RELCH: variants seen among roughly 807,000 people sequenced by gnomAD.
RELCH encodes RAB11-binding protein RELCH.
A neutral mutation model predicts 150.3 loss-of-function variants in RELCH; 41 were observed. That is an observed-to-expected ratio of 0.27 (90% CI 0.21 to 0.35). The LOEUF is 0.35. RELCH is among the 10% of genes least tolerant of loss of function. RELCH has a pLI of 1.00. For missense variants in RELCH, 1,092 were observed against 1,467.8 expected (o/e 0.74, Z 4.18); for synonymous variants, 478 against 531.8 (o/e 0.90, Z 1.39).
chr18:62,263,951 A>C, intron 16 of RELCH, 38 bp from the exon 17 acceptor site: 1 of 1,575,736 alleles, frequency 6.3e-7, no homozygotes, highest in Non-Finnish European at 8.6e-7. Flanking sequence ...CCAAAATGCC[A>C]ATTTCCATAT....
chr18:62,188,229 G>C (rs1270697424), intron 1 of RELCH, among the ~76,000 whole-genome samples, 198 bp downstream of exon 1: 1 of 152,186 alleles, frequency 6.6e-6, no homozygotes, highest in Non-Finnish European at 1.5e-5. Flanking sequence ...TCCAACCCTT[G>C]GCTGGTGTTG....
Position 62,187,720 on chromosome 18 carries a change from C to T in RELCH, c.215C>T (p.Pro72Leu), listed in dbSNP as rs1417920275. 8.1e-6 allele frequency: 13 copies of T among 1,607,672 alleles called. No individual in the cohort carries two copies. Among genetic ancestry groups the T allele is most frequent in the Non-Finnish European group, 1.1e-5 (13 of 1,175,706 alleles). Residue 72 changes from proline (P) to leucine (L), a missense_variant, in exon 1 of 29, where the codon CCT (proline) becomes CTT (leucine). By Grantham distance (98) the Pro-to-Leu change is moderately conservative (BLOSUM62 -3). Around this residue, in one of 4 missense-constraint regions of RELCH, gnomAD observed 138 missense variants for 124.8 expected, o/e 1.11. Coordinates refer to ENST00000644646, the MANE Select transcript of RELCH (RefSeq NM_001346231.2). ...GGAAGCAGTGCGCGGCCAGGGCTCC[C>T]TGGGGAGGCGTCGGCGGCTGCAGTG... ...ALGSSARPGL[P>L]GEASAAAVAL...
intron 2 of RELCH, among the ~76,000 whole-genome samples, chr18:62,218,970 C>T (rs1394925999): frequency 1.3e-5 from 2 of 151,888 alleles, no homozygotes; most frequent in Non-Finnish European, 2.9e-5. Context: ...TCTTTTGAAA[C>T]TTTCTCATGT....
intron 1 of RELCH, among the ~76,000 whole-genome samples, chr18:62,191,280 ATC>A (rs758635237): frequency 5.9e-5 from 9 of 152,316 alleles, no homozygotes; most frequent in Middle Eastern, 3.4e-3. Flanking sequence ...GGGCTTTTTA[ATC>A]TGTCATTTTA....
At chr18:62,235,716 G>A (rs1261539758) in intron 10 of RELCH, among the ~76,000 whole-genome samples, 1 of 151,270 alleles carries the variant, frequency 6.6e-6, no homozygotes. Flanking sequence ...TATTGTAAAT[G>A]GAATTGTTCT....
At chr18:62,246,228 A>G (rs972426332) in intron 11 of RELCH, 2 of 152,160 alleles carry the variant, frequency 1.3e-5, no homozygotes, top group African/African-American at 4.8e-5. Flanking sequence ...TCTTTTTAAG[A>G]ATTCTGTTTG....
At chr18:62,279,892 C>T (rs778683613) in intron 23 of RELCH, 36 bp downstream of exon 23, 47 of 1,341,446 alleles carry the variant, frequency 3.5e-5, no homozygotes, top group Non-Finnish European at 4.7e-5. Context: ...TTCGGCATCC[C>T]TTTCAAAATG....
chr18:62,305,441 G>A lies in RELCH; in HGVS notation c.3558G>A (p.Val1186=). 2 of 1,610,260 alleles carry A rather than the reference G, an allele frequency of 1.2e-6. No individual in the cohort carries two copies. The highest frequency in any genetic ancestry group is 1.7e-6 in the Non-Finnish European group (2 of 1,177,986). Reference sequence around the variant, plus strand: ...CAATGTCAATTGCTGCAAGCTTAGTGAGTGAAGATACAAAGACCAAGTTTT... The same window carrying A: ...CAATGTCAATTGCTGCAAGCTTAGTAAGTGAAGATACAAAGACCAAGTTTT... ...QGSMSIAASL[V]SEDTKTKFLN... The change falls in exon 29 of 29, where the codon GTG becomes GTA. Residue 1186 remains valine, a synonymous_variant. Transcript: ENST00000644646. The surrounding 1 kb of genome is among the most constrained non-coding windows in gnomAD (Gnocchi z 4.0).
chr18:62,231,503 A>G (rs988788961), intron 9 of RELCH, among the ~76,000 whole-genome samples: 6 of 152,034 alleles, frequency 3.9e-5, no homozygotes, highest in Non-Finnish European at 7.4e-5. Flanking sequence ...GACATTTTAT[A>G]AACTCTATTT....
At chr18:62,189,864 T>C (rs555868077) in intron 1 of RELCH, among the ~76,000 whole-genome samples, 24 of 152,240 alleles carry the variant, frequency 1.6e-4, no homozygotes, top group Non-Finnish European at 3.2e-4. Flanking sequence ...TGATCAAATA[T>C]CACAATTAAA....
chr18:62,307,368 G>T lies in RELCH; in HGVS notation c.*1834G>T, dbSNP rs890829598. 1 of 152,030 alleles carries T rather than the reference G, an allele frequency of 6.6e-6. No homozygotes were observed. The highest frequency in any genetic ancestry group is 1.5e-5 in the Non-Finnish European group (1 of 67,974). The allele number at this position is 152,030 out of a possible 1,614,324, so 9.4% of individuals were successfully genotyped here. On this transcript the variant is annotated 3_prime_UTR_variant, in exon 29 of 29. Coordinates refer to ENST00000644646, the MANE Select transcript of RELCH (RefSeq NM_001346231.2). ...TTTGCTTCAAACTATAGTAGAATATGTGTATGTTTGTTATCAGGTGAATGG... is the reference window on the plus strand; with the variant it reads ...TTTGCTTCAAACTATAGTAGAATATTTGTATGTTTGTTATCAGGTGAATGG...
intron 1 of RELCH, among the ~76,000 whole-genome samples, chr18:62,194,169 G>A (rs2038855541): frequency 6.6e-6 from 1 of 152,112 alleles, no homozygotes; most frequent in Non-Finnish European, 1.5e-5. Context: ...GATCGCTTGA[G>A]CCCAGGTGGC....
At chr18:62,232,266 C>CT in intron 9 of RELCH, 66 bp from the exon 10 acceptor site, 1 of 1,056,216 alleles carries the variant, frequency 9.5e-7, no homozygotes, top group Admixed American at 1.7e-5. Flanking sequence ...AAAGAATGAA[C>CT]TTTTCCATAT....
chr18:62,237,507 A>G (rs2041936365), intron 10 of RELCH, among the ~76,000 whole-genome samples: 1 of 151,194 alleles, frequency 6.6e-6, no homozygotes, highest in African/African-American at 2.4e-5. Context: ...TCTATGCACT[A>G]CTCTCTACTT....
chr18:62,222,886 G>A lies in RELCH; in HGVS notation c.858+1389G>A, dbSNP rs377762455. ...AGTAACAAAGTTATTTCCAAATAACGCATGAGTTAAAAAAGAAAAGGGAAA... is the reference window on the plus strand; with the variant it reads ...AGTAACAAAGTTATTTCCAAATAACACATGAGTTAAAAAAGAAAAGGGAAA... On this transcript the variant is annotated intron_variant, in intron 5 of 28. Coordinates refer to ENST00000644646, the MANE Select transcript of RELCH (RefSeq NM_001346231.2). Among the ~76,000 whole-genome samples, 18 of 150,886 alleles carry A rather than the reference G, an allele frequency of 1.2e-4. 1 individual carries two copies. The South Asian group carries it at 2.5e-3, about 21-fold the overall frequency.
Position 62,305,383 on chromosome 18 carries a change from C to A in RELCH, c.3531-31C>A. 1 of 1,568,684 alleles carries A rather than the reference C, an allele frequency of 6.4e-7. No homozygotes were observed. The highest frequency in any genetic ancestry group is 1.2e-5 in the South Asian group (1 of 82,808). ...TGAAAAATTTTTATTTTTTTAATTG[C>A]TTTACATGAATTTTAAATTTTCTTT... On this transcript the variant is annotated intron_variant, in intron 28 of 28. Coordinates refer to ENST00000644646, the MANE Select transcript of RELCH (RefSeq NM_001346231.2). This position sits in a 1 kb window ranked among gnomAD's most constrained non-coding sequence, Gnocchi z 4.0.
chr18:62,276,648 A>C (rs2144885400), intron 22 of RELCH, among the ~76,000 whole-genome samples: 1 of 152,278 alleles, frequency 6.6e-6, no homozygotes, highest in Middle Eastern at 3.4e-3. Context: ...TTGCAATTGG[A>C]GATGGGGTAC....
intron 10 of RELCH, among the ~76,000 whole-genome samples, chr18:62,234,139 CTT>C (rs1450464014): frequency 6.6e-6 from 1 of 151,786 alleles, no homozygotes; most frequent in African/African-American, 2.4e-5. Context: ...TGAATTATGT[CTT>C]AGAGTGATTT....
At chr18:62,301,680 G>C (rs1215607514) in intron 28 of RELCH, among the ~76,000 whole-genome samples, 2 of 152,106 alleles carry the variant, frequency 1.3e-5, no homozygotes, top group African/African-American at 4.8e-5. Flanking sequence ...TTCCCAGGTG[G>C]TGCTAATGCT....
Sources: gnomAD v4.1 joint callset for allele counts (sites outside exome capture counted in the v4.1 genomes callset) on GRCh38, gnomAD v4.1.1 for gene constraint, gnomAD v4.1.1 regional missense constraint, Gnocchi (gnomAD v3.1) non-coding constraint, MANE v1.5 for transcripts, NCBI Gene and HGNC (gene_info 2026-07-23, HGNC 2026-07-21) for gene names.